Variants in HPSE2 observed in about 807,000 individuals in gnomAD.
HPSE2 encodes inactive heparanase-2.
HPSE2 carries 38 observed loss-of-function variants against 60.5 expected under a neutral mutation model. The ratio of observed to expected loss-of-function variants is 0.63; its 90% CI spans 0.48 to 0.82. The LOEUF (loss-of-function observed/expected upper bound fraction) is 0.82, where lower values mean the gene tolerates loss of function less well. Ranked by LOEUF, HPSE2 falls within the 40% of genes least tolerant of loss-of-function variation. The probability of loss-of-function intolerance (pLI) is 0.00; values close to 1 mark genes in which losing one functional copy is unlikely to be tolerated. For synonymous variants in HPSE2, 295 were observed against 293.2 expected, an observed-to-expected ratio of 1.01 and a Z score of -0.06; for missense variants, 713 against 740.4, an observed-to-expected ratio of 0.96 and a Z score of 0.43.
intron 9 of HPSE2, among the ~76,000 whole-genome samples, chr10:98,605,170 G>A (rs957007340): frequency 6.6e-6 from 1 of 152,130 alleles, no homozygotes; most frequent in African/African-American, 2.4e-5. Flanking sequence ...ATTGTCTACT[G>A]ATCATTTGGA....
At position 98,655,939 on chromosome 10, in the gene HPSE2, C is replaced by T. The variant is rs114323397; in HGVS notation, c.1005-13999G>A. On this transcript the variant is annotated intron_variant, in intron 6 of 11. Transcript: ENST00000370552. ...GATACCATAGGGTGTCCCCTCAACA[C>T]ATATGAAGGTACTATATTTCAGTCA... Among the ~76,000 whole-genome samples the T allele has an allele frequency of 5.2e-3, 787 of 152,314 alleles. 7 individuals carry two copies. The highest frequency in any genetic ancestry group is 0.017 in the African/African-American group (725 of 41,562).
At chr10:98,864,276 ATATT>A (rs775660015) in intron 3 of HPSE2, among the ~76,000 whole-genome samples, 25 of 152,212 alleles carry the variant, frequency 1.6e-4, no homozygotes, top group South Asian at 8.3e-4. Flanking sequence ...CCCCTTATAG[ATATT>A]TATTTTTCTT....
At chr10:98,863,427 T>C (rs186510671) in intron 3 of HPSE2, among the ~76,000 whole-genome samples, 202 of 152,212 alleles carry the variant, frequency 1.3e-3, no homozygotes, top group Middle Eastern at 6.8e-3. Context: ...GTTATAGATA[T>C]CTTGATAGAT....
chr10:98,662,802 T>C (rs1229604224), intron 6 of HPSE2, among the ~76,000 whole-genome samples: 3 of 152,204 alleles, frequency 2.0e-5, no homozygotes, highest in East Asian at 1.9e-4. Context: ...TAGGAACTCA[T>C]AGAAGTTTTG....
At chr10:98,547,430 A>G (rs1281146849) in intron 9 of HPSE2, among the ~76,000 whole-genome samples, 1 of 150,970 alleles carries the variant, frequency 6.6e-6, no homozygotes, top group Non-Finnish European at 1.5e-5. Flanking sequence ...GATAGATTGG[A>G]CTAAGAAAAT....
At chr10:98,977,119 T>A (rs561802319) in intron 3 of HPSE2, among the ~76,000 whole-genome samples, 11 of 152,342 alleles carry the variant, frequency 7.2e-5, no homozygotes, top group African/African-American at 2.6e-4. Flanking sequence ...ACATTTCCAT[T>A]GTTTTATATC....
intron 6 of HPSE2, among the ~76,000 whole-genome samples, chr10:98,684,423 G>C (rs547847623): frequency 1.3e-5 from 2 of 151,598 alleles, no homozygotes; most frequent in East Asian, 3.9e-4. Flanking sequence ...AATAAAAATA[G>C]AGATAGTTAA....
At chr10:99,211,504 A>T (rs892716556) in intron 2 of HPSE2, among the ~76,000 whole-genome samples, 1 of 152,204 alleles carries the variant, frequency 6.6e-6, no homozygotes, top group Non-Finnish European at 1.5e-5. Context: ...TACTGGCATT[A>T]AAAAATGGCA....
intron 9 of HPSE2, among the ~76,000 whole-genome samples, chr10:98,530,355 G>T (rs991111821): frequency 6.6e-6 from 1 of 152,164 alleles, no homozygotes. Context: ...GTTAAAACCA[G>T]ATTTCTGAGC....
chr10:98,716,149 A>G (rs1191033562), intron 5 of HPSE2, among the ~76,000 whole-genome samples: 1 of 152,018 alleles, frequency 6.6e-6, no homozygotes, highest in African/African-American at 2.4e-5. Flanking sequence ...TGAGCAACTC[A>G]TCATCCATTC....
At chr10:99,075,757 A>T (rs1842933318) in intron 3 of HPSE2, among the ~76,000 whole-genome samples, 1 of 151,710 alleles carries the variant, frequency 6.6e-6, no homozygotes, top group Non-Finnish European at 1.5e-5. Context: ...TGGTGAATTT[A>T]CTCTTTTATT....
At chr10:98,694,042 C>A in intron 5 of HPSE2, 95 bp from the exon 6 acceptor site, 2 of 994,306 alleles carry the variant, frequency 2.0e-6, no homozygotes, top group Non-Finnish European at 3.2e-6. Context: ...TAGACCAATC[C>A]TTAAGCAGGT....
chr10:99,239,030 G>T (rs1018549016), upstream of HPSE2, among the ~76,000 whole-genome samples: 1 of 152,008 alleles, frequency 6.6e-6, no homozygotes, highest in Admixed American at 6.6e-5. Flanking sequence ...ATGGTGGTGG[G>T]CACTTGTAAT....
At chr10:98,942,388 AAAAC>A (rs1296028915) in intron 3 of HPSE2, among the ~76,000 whole-genome samples, 4 of 148,094 alleles carry the variant, frequency 2.7e-5, no homozygotes, top group African/African-American at 5.2e-5. Context: ...TTACAAGAAA[AAAAC>A]AAACAACCCC....
intron 3 of HPSE2, among the ~76,000 whole-genome samples, chr10:98,833,419 C>A (rs984166518): frequency 6.6e-6 from 1 of 152,144 alleles, no homozygotes; most frequent in Non-Finnish European, 1.5e-5. Flanking sequence ...AAGGAATAAC[C>A]ATGCTTCAGA....
At chr10:98,999,156 CGTGTGTGTGT>C (rs55879808) in intron 3 of HPSE2, among the ~76,000 whole-genome samples, 29 of 137,680 alleles carry the variant, frequency 2.1e-4, no homozygotes, top group Middle Eastern at 3.6e-3. Context: ...GTATAGACTA[CGTGTGTGTGT>C]GTGTGTGTGT....
intron 2 of HPSE2, among the ~76,000 whole-genome samples, chr10:99,148,930 T>G (rs758853259): frequency 6.6e-6 from 1 of 152,044 alleles, no homozygotes; most frequent in South Asian, 2.1e-4. Context: ...TGTATACTGC[T>G]TGGGTGATGG....
intron 3 of HPSE2, among the ~76,000 whole-genome samples, chr10:98,744,985 G>T (rs190618440): frequency 7.2e-4 from 109 of 152,268 alleles, no homozygotes; most frequent in African/African-American, 2.5e-3. Flanking sequence ...GGTGGATCTC[G>T]AGGTCAGGAG....
intron 9 of HPSE2, among the ~76,000 whole-genome samples, chr10:98,512,237 T>C (rs1032954391): frequency 6.6e-6 from 1 of 152,218 alleles, no homozygotes. Context: ...GCTGCCCCTC[T>C]AGAGGTAATG....
Sources: allele counts gnomAD v4.1 joint callset (sites outside exome capture counted in the v4.1 genomes callset), GRCh38; gene constraint gnomAD v4.1.1; transcripts MANE v1.5; gene names NCBI Gene and HGNC (gene_info 2026-07-23, HGNC 2026-07-21).